MACF1: variants seen among roughly 807,000 people sequenced by gnomAD.
MACF1 encodes the protein microtubule-actin cross-linking factor 1.
Under a neutral mutation model 854.8 loss-of-function variants are expected in MACF1, and 193 were observed. The observed-to-expected ratio is 0.23, with a 90% CI of 0.20 to 0.25. The LOEUF is 0.25. MACF1 is among the 10% of genes least tolerant of loss of function. The probability of loss-of-function intolerance (pLI) is 1.00; values close to 1 mark genes in which losing one functional copy is unlikely to be tolerated. For synonymous variants in MACF1, 3,185 were observed against 3,226.7 expected, an observed-to-expected ratio of 0.99 and a Z score of 0.44; for missense variants, 7,722 against 8,929.1, an observed-to-expected ratio of 0.86 and a Z score of 5.45.
chr1:39,281,890 A>G (rs1482188523), intron 6 of MACF1, among the ~76,000 whole-genome samples: 1 of 152,232 alleles, frequency 6.6e-6, no homozygotes, highest in Non-Finnish European at 1.5e-5. Context: ...CAAAACTGAC[A>G]TCCAGAGAAG....
intron 4 of MACF1, among the ~76,000 whole-genome samples, chr1:39,253,769 G>A (rs1008150316): frequency 2.0e-5 from 3 of 152,090 alleles, no homozygotes; most frequent in African/African-American, 7.2e-5. Flanking sequence ...TCCTGCCTCG[G>A]CCTCCCAAAG....
Position 39,443,041 on chromosome 1 carries a change from C to G in MACF1, c.19302+130C>G, listed in dbSNP as rs1394745361. 7 of 856,054 alleles carry G rather than the reference C, an allele frequency of 8.2e-6. No individual in the cohort carries two copies. In the Admixed American group the frequency reaches 1.6e-4, roughly 20 times the overall value. The allele number at this position is 856,054 out of a possible 1,614,324, so 53.0% of individuals were successfully genotyped here. Reference sequence around the variant, plus strand: ...TCTTGAGGGGAAGGTTAATACTGTGCTGTAACTTATCTAGAAAGAGCAGCT... The same window carrying G: ...TCTTGAGGGGAAGGTTAATACTGTGGTGTAACTTATCTAGAAAGAGCAGCT... On this transcript the variant is annotated intron_variant, in intron 78 of 100. Coordinates refer to ENST00000564288, the MANE Select transcript of MACF1 (RefSeq NM_001394062.1).
intron 40 of MACF1, among the ~76,000 whole-genome samples, chr1:39,341,580 C>T (rs1646936629): frequency 6.6e-6 from 1 of 151,634 alleles, no homozygotes; most frequent in Non-Finnish European, 1.5e-5. Flanking sequence ...CACCCGTAAT[C>T]CCAGCTACTT....
In MACF1 at chr1:39,145,519, C is replaced by CTT. The variant is rs11426752; in HGVS notation, c.220+61089_220+61090dup. Among the ~76,000 whole-genome samples the CTT allele has an allele frequency of 1.2e-3, 178 of 151,350 alleles. 1 individual carries two copies. Among genetic ancestry groups the CTT allele is most frequent in the African/African-American group, 3.6e-3 (149 of 41,246 alleles). On this transcript the variant is annotated intron_variant, in intron 2 of 93. Coordinates refer to the MACF1 transcript ENST00000361689. ...CTCTTCTTCAGACTAACTCTCTGTG[C>CTT]TTTTTTTTTCTTTACCACCAAACTA...
At chr1:39,407,282 G>A (rs1448711253) in intron 58 of MACF1, among the ~76,000 whole-genome samples, 19 of 152,108 alleles carry the variant, frequency 1.2e-4, no homozygotes, top group South Asian at 2.1e-4. Flanking sequence ...TTCCTCCCAC[G>A]TCTCAGCCCT....
chr1:39,162,075 T>C (rs1643810431), intron 2 of MACF1, among the ~76,000 whole-genome samples: 1 of 151,450 alleles, frequency 6.6e-6, no homozygotes, highest in African/African-American at 2.4e-5. Flanking sequence ...GTCTTTTTTT[T>C]TTGCAATCTC....
At chr1:39,106,971 C>T (rs567520543) in intron 2 of MACF1, among the ~76,000 whole-genome samples, 3 of 152,216 alleles carry the variant, frequency 2.0e-5, no homozygotes, top group Admixed American at 1.3e-4. Flanking sequence ...TTTCTGTCAA[C>T]CCCCTGTGGT....
Position 39,310,996 on chromosome 1 carries a change from A to C in MACF1, c.3266A>C (p.Gln1089Pro), listed in dbSNP as rs1557580549. 6.2e-7 allele frequency: 1 copy of C among 1,612,132 alleles called. No individual in the cohort carries two copies. The highest frequency in any genetic ancestry group is 1.3e-5 in the African/African-American group (1 of 74,988). The change falls in exon 26 of 101, where the codon CAA becomes CCA. Residue 1089 changes from glutamine (Q) to proline (P), a missense_variant. This residue lies in a region of MACF1 where 1,137 missense variants were observed against 1,263.0 expected (regional missense o/e 0.90). Transcript: ENST00000564288. The stretch of plus-strand genomic sequence containing the variant: ...GACAATGCATTAAGGATTGCAGAGC[A>C]AGAGGTAAGCCCTAAGAGCCATGTG... ...WQDNALRIAE[Q>P]EHTQEDLQQL...
In MACF1 at chr1:39,448,801, T is replaced by C. The variant is rs903304072; in HGVS notation, c.20258+38T>C. 4 of 1,490,380 alleles carry C rather than the reference T, an allele frequency of 2.7e-6. No homozygotes were observed. In the South Asian group the frequency reaches 5.7e-5, roughly 21 times the overall value. The allele number at this position is 1,490,380 out of a possible 1,614,324, so 92.3% of individuals were successfully genotyped here. On this transcript the variant is annotated intron_variant, in intron 84 of 100. Transcript: ENST00000564288. ...GTCCCCTTCAGGGGTCTAACCGGGA[T>C]CCCAAAAGCAAGAGGTTCTTACCAG...
At position 39,387,555 on chromosome 1, in the gene MACF1, G is replaced by T; in HGVS notation, c.14713G>T (p.Ala4905Ser). 1 of 1,614,088 alleles carries T rather than the reference G, an allele frequency of 6.2e-7. No individual in the cohort carries two copies. Among genetic ancestry groups the T allele is most frequent in the Non-Finnish European group, 8.5e-7 (1 of 1,180,038 alleles). ...CAGGCTCAAGGATTGTATGCAGAAA[G>T]CTCAGAAATATCAGTGGCATGTGGA... ...QSRLKDCMQKAQKYQWHVEDL... is the reference protein window; with the variant it reads ...QSRLKDCMQKSQKYQWHVEDL... The change falls in exon 58 of 101, where the codon GCT becomes TCT. Residue 4905 changes from alanine (A) to serine (S), a missense_variant. Physicochemically the swap from Ala to Ser is moderately conservative, Grantham distance 99. This residue lies in a region of MACF1 where 2,807 missense variants were observed against 3,235.8 expected (regional missense o/e 0.87). Transcript: ENST00000564288.
chr1:39,281,569 C>A (rs1373362771), intron 6 of MACF1, among the ~76,000 whole-genome samples: 1 of 152,112 alleles, frequency 6.6e-6, no homozygotes, highest in Non-Finnish European at 1.5e-5. Flanking sequence ...TACTTCACTG[C>A]AGTCTTGATC....
Position 39,245,756 on chromosome 1 carries a change from T to TATTC in MACF1, c.172-4244_172-4241dup, listed in dbSNP as rs570001839. ...AGCAATATTTATTCATTCATTTATT[T>TATTC]ATTCATTCATTCATTCAGTGTCCTC... On this transcript the variant is annotated intron_variant, in intron 2 of 100. Transcript: ENST00000564288. Among the ~76,000 whole-genome samples, 141 of 152,312 alleles carry TATTC rather than the reference T, an allele frequency of 9.3e-4. 2 individuals are homozygous for TATTC. Among genetic ancestry groups the TATTC allele is most frequent in the East Asian group, 9.3e-3 (48 of 5,186 alleles).
At position 39,310,318 on chromosome 1, in the gene MACF1, A is replaced by C. The variant is rs375931922; in HGVS notation, c.2990A>C (p.Gln997Pro). Residue 997 changes from glutamine (Q) to proline (P), a missense_variant, in exon 25 of 101, where the codon CAG becomes CCG. Physicochemically the swap from Gln to Pro is moderately conservative, Grantham distance 76 (BLOSUM62 -1). This residue lies in a region of MACF1 where 1,137 missense variants were observed against 1,263.0 expected (regional missense o/e 0.90). Transcript: ENST00000564288. The part of the protein sequence containing the change: ...NLQAHYEDFL[Q>P]DSRDSVLFSV... ...CAGGCCCACTATGAAGACTTTCTGC[A>C]GGATAGTCGTGACTCTGTGCTGTTC... The C allele has an allele frequency of 4.3e-6, 7 of 1,614,160 alleles. No homozygotes were observed. In the South Asian group the frequency reaches 6.6e-5, roughly 15 times the overall value.
At chr1:39,304,292 T>C (rs1164003903) in intron 23 of MACF1, 1 of 617,702 alleles carries the variant, frequency 1.6e-6, no homozygotes, top group Middle Eastern at 3.0e-4. Context: ...TAGTGACTTA[T>C]TTCACTCTAC....
intron 2 of MACF1, among the ~76,000 whole-genome samples, chr1:39,090,827 G>A (rs1641783300): frequency 6.6e-6 from 1 of 152,140 alleles, no homozygotes; most frequent in South Asian, 2.1e-4. Flanking sequence ...CTTTATTTCA[G>A]CAGTCCTCCC....
intron 74 of MACF1, 151 bp downstream of exon 74, chr1:39,441,476 A>T: frequency 1.6e-6 from 1 of 633,910 alleles, no homozygotes; most frequent in Non-Finnish European, 2.8e-6. Flanking sequence ...AAAGTTCCCC[A>T]CTTGTAGTGA....
At chr1:39,410,887 G>C in intron 58 of MACF1, 2 of 1,614,022 alleles carry the variant, frequency 1.2e-6, no homozygotes, top group Non-Finnish European at 1.7e-6. Context: ...AGAGGTGCAA[G>C]ATTTTAAAAA....
Position 39,310,398 on chromosome 1 carries a change from T to C in MACF1, c.3070T>C (p.Phe1024Leu). 1 of 1,614,114 alleles carries C rather than the reference T, an allele frequency of 6.2e-7. No individual in the cohort carries two copies. The highest frequency in any genetic ancestry group is 8.5e-7 in the Non-Finnish European group (1 of 1,180,006). Residue 1024 changes from phenylalanine (F) to leucine (L), a missense_variant, in exon 25 of 101, where the codon TTC (phenylalanine) becomes CTC (leucine). Coordinates refer to ENST00000564288, the MANE Select transcript of MACF1 (RefSeq NM_001394062.1). Reference sequence around the variant, plus strand: ...GGAGGTGGAAGCTTGTAAAGCCCGCTTCCAGCACCTGATGAAGTCCATGGA... The same window carrying C: ...GGAGGTGGAAGCTTGTAAAGCCCGCCTCCAGCACCTGATGAAGTCCATGGA... ...EEEVEACKAR[F>L]QHLMKSMENE...
In MACF1 at chr1:39,205,236, G is replaced by C. The variant is rs978161751; in HGVS notation, c.109+105G>C. 4 of 669,614 alleles carry C rather than the reference G, an allele frequency of 6.0e-6. No individual in the cohort carries two copies. In the African/African-American group the frequency reaches 7.1e-5, roughly 12 times the overall value. 41.5% of individuals were successfully genotyped at this position (669,614 alleles called of 1,614,324 possible). On this transcript the variant is annotated intron_variant, in intron 1 of 100. Coordinates refer to ENST00000564288, the MANE Select transcript of MACF1 (RefSeq NM_001394062.1). ...GTTGCTTTCCTTAAAGGGCCAGTAC[G>C]TCCTTCAGCTGGGGTGCTGTCAGAC...
Sources: allele counts gnomAD v4.1 joint callset (sites outside exome capture counted in the v4.1 genomes callset), GRCh38; gene constraint gnomAD v4.1.1; regional missense constraint gnomAD v4.1.1; transcripts MANE v1.5; gene names NCBI Gene and HGNC (gene_info 2026-07-23, HGNC 2026-07-21).